Variants in GRTP1 observed in about 807,000 individuals in gnomAD.
The protein encoded by GRTP1 is growth hormone-regulated TBC protein 1.
A neutral mutation model predicts 38.1 loss-of-function variants in GRTP1; 56 were observed. That is an observed-to-expected ratio of 1.47 (90% CI 1.19 to 1.84). The LOEUF (loss-of-function observed/expected upper bound fraction) is 1.84, where lower values mean the gene tolerates loss of function less well. GRTP1 is among the 40% of genes most tolerant of loss of function. The pLI is 0.00. For synonymous variants in GRTP1, 217 were observed against 189.5 expected, an observed-to-expected ratio of 1.14 and a Z score of -1.19; for missense variants, 506 against 453.9, an observed-to-expected ratio of 1.11 and a Z score of -1.04.
rs2139457283 is a variant in GRTP1, at chr13:113,345,966, ACCCAG to A, written c.466-1012_466-1008del. On this transcript the variant is annotated intron_variant, in intron 4 of 7. Coordinates refer to ENST00000375431, the MANE Select transcript of GRTP1 (RefSeq NM_024719.4). Reference sequence around the variant, plus strand: ...GGAAGACCTCTGTGGCCAAAAGCAGACCCAGGAGGACTTTTGTGGCCGAGAGTGGA... The same window carrying A: ...GGAAGACCTCTGTGGCCAAAAGCAGAGAGGACTTTTGTGGCCGAGAGTGGA... Among the ~76,000 whole-genome samples the A allele has an allele frequency of 2.4e-4, 36 of 152,184 alleles. No homozygotes were observed. In the South Asian group the frequency reaches 7.4e-3, roughly 31 times the overall value.
At chr13:113,355,058 G>A (rs1413155265) in intron 3 of GRTP1, 2 of 368,894 alleles carry the variant, frequency 5.4e-6, no homozygotes, top group Non-Finnish European at 9.8e-6. Context: ...CCTGTCCCGC[G>A]AGTCTTCATG....
rs186109516 is a variant in GRTP1 at position 113,351,461 on chromosome 13, G to A, written c.341-488C>T. ...GAGACTCCTCAGAGATAAAGGACAC[G>A]GCTGAGAGCTGAGAGCTGAGAACTG... On this transcript the variant is annotated intron_variant, in intron 3 of 7. Coordinates refer to ENST00000375431, the MANE Select transcript of GRTP1 (RefSeq NM_024719.4). Among the ~76,000 whole-genome samples, 31 of 152,324 alleles carry A rather than the reference G, an allele frequency of 2.0e-4. 1 individual carries two copies. The highest frequency in any genetic ancestry group is 6.8e-3 in the Middle Eastern group (2 of 292).
intron 3 of GRTP1, among the ~76,000 whole-genome samples, chr13:113,352,179 G>C (rs533897092): frequency 1.6e-4 from 23 of 145,606 alleles, no homozygotes; most frequent in Admixed American, 5.7e-4. Flanking sequence ...TTTCAGACTA[G>C]AGTGACCAGC....
rs762140199 is a variant in GRTP1 at position 113,348,402 on chromosome 13, G to A, written c.465+2447C>T. Among the ~76,000 whole-genome samples, 3 of 152,190 alleles carry A rather than the reference G, an allele frequency of 2.0e-5. No individual in the cohort carries two copies. Among genetic ancestry groups the A allele is most frequent in the Non-Finnish European group, 4.4e-5 (3 of 68,040 alleles). On this transcript the variant is annotated intron_variant, in intron 4 of 7. Coordinates refer to ENST00000375431, the MANE Select transcript of GRTP1 (RefSeq NM_024719.4). This position sits in a 1 kb window ranked among gnomAD's most constrained non-coding sequence, Gnocchi z 4.8. ...GGAGGTTGAGGCTGCAGTGAGCCGAGATCACGCCACTGCACTCCAGCCTGG... is the reference window on the plus strand; with the variant it reads ...GGAGGTTGAGGCTGCAGTGAGCCGAAATCACGCCACTGCACTCCAGCCTGG...
chr13:113,330,079 G>A (rs1355409208), intron 5 of GRTP1, among the ~76,000 whole-genome samples: 3 of 151,318 alleles, frequency 2.0e-5, no homozygotes. Context: ...AAACCCGGGT[G>A]CGTGCATGGA....
intron 4 of GRTP1, among the ~76,000 whole-genome samples, chr13:113,346,145 CGGG>C (rs2043115115): frequency 5.7e-5 from 8 of 139,782 alleles, no homozygotes; most frequent in Non-Finnish European, 1.1e-4. Context: ...AGAGCAGACC[CGGG>C]AGGACCTCTG....
intron 3 of GRTP1, among the ~76,000 whole-genome samples, chr13:113,353,336 C>T (rs1645321352): frequency 6.6e-6 from 1 of 152,276 alleles, no homozygotes; most frequent in Non-Finnish European, 1.5e-5. Context: ...CCACCCATAA[C>T]AGCCGTGCGG....
At chr13:113,331,168 A>C (rs558824070) in intron 5 of GRTP1, among the ~76,000 whole-genome samples, 2 of 152,226 alleles carry the variant, frequency 1.3e-5, no homozygotes, top group East Asian at 3.9e-4. Context: ...GTGCATGGAA[A>C]CCGGTCGCAG....
chr13:113,340,504 C>T (rs1303317157), intron 5 of GRTP1, among the ~76,000 whole-genome samples: 21 of 146,178 alleles, frequency 1.4e-4, no homozygotes, highest in Non-Finnish European at 4.5e-5. Flanking sequence ...AATGGCCAGG[C>T]GCTGTAGTTC....
Position 113,325,774 on chromosome 13 carries a change from T to C in GRTP1, c.808A>G (p.Ile270Val). The C allele has an allele frequency of 6.2e-7, 1 of 1,614,158 alleles. No homozygotes were observed. Among genetic ancestry groups the C allele is most frequent in the African/African-American group, 1.3e-5 (1 of 75,062 alleles). ...AAAATCAACTCCTGGTGCTGCTTAA[T>C]TAAGGTCAGGGCCACCCGGAAGATA... ...KIIFRVALTL[I>V]KQHQELILEA... is the part of the protein sequence containing the mutation. Residue 270 changes from isoleucine to valine, a missense_variant, in exon 7 of 8, where the codon ATT becomes GTT. Ile to Val is a conservative substitution (Grantham distance 29, BLOSUM62 3). Coordinates refer to ENST00000375431, the MANE Select transcript of GRTP1 (RefSeq NM_024719.4).
intron 5 of GRTP1, among the ~76,000 whole-genome samples, chr13:113,333,707 G>A (rs1438986147): frequency 6.6e-6 from 1 of 151,356 alleles, no homozygotes; most frequent in Admixed American, 6.6e-5. Flanking sequence ...GTTTTGCCAT[G>A]TTGTCCAGGC....
rs370730953 is a variant in GRTP1 at position 113,347,321 on chromosome 13, A to C, written c.466-2362T>G. ...GCGGATCTGGGAGGACCTCTGTGGC[A>C]GAGAGCAGACCCGGGAGGACCTCTG... On this transcript the variant is annotated intron_variant, in intron 4 of 7. Coordinates refer to ENST00000375431, the MANE Select transcript of GRTP1 (RefSeq NM_024719.4). 6.5e-3 allele frequency among the ~76,000 whole-genome samples: 48 copies of C among 7,384 alleles called. 1 individual carries two copies. Among genetic ancestry groups the C allele is most frequent in the Non-Finnish European group, 9.8e-3 (31 of 3,150 alleles). The allele number at this position is 7,384 out of a possible 152,430, so 4.8% of individuals were successfully genotyped here. A position where few individuals can be genotyped will look rare whatever the true frequency, so the allele number is the denominator to read the frequency against.
At chr13:113,352,322 ATT>A (rs869240742) in intron 3 of GRTP1, among the ~76,000 whole-genome samples, 14 of 59,540 alleles carry the variant, frequency 2.4e-4, no homozygotes, top group East Asian at 1.2e-3. Context: ...TTTTATATAT[ATT>A]TTTATATATA....
intron 5 of GRTP1, among the ~76,000 whole-genome samples, chr13:113,327,200 G>A (rs1052066084): frequency 5.9e-5 from 9 of 151,504 alleles, no homozygotes; most frequent in Non-Finnish European, 1.2e-4. Flanking sequence ...TTTTTGAGAC[G>A]GAGTCTCGCT....
chr13:113,330,591 C>A (rs113933697), intron 5 of GRTP1, among the ~76,000 whole-genome samples: 212 of 27,590 alleles, frequency 7.7e-3, no homozygotes, highest in East Asian at 0.023. Context: ...TGCATGGAAA[C>A]CCAGGTGTGT....
intron 5 of GRTP1, among the ~76,000 whole-genome samples, chr13:113,331,066 A>G (rs1227449615): frequency 1.4e-5 from 2 of 146,364 alleles, no homozygotes; most frequent in Non-Finnish European, 3.0e-5. Flanking sequence ...GCGTGGATGG[A>G]AACCCAGGTG....
At position 113,342,233 on chromosome 13, in the gene GRTP1, T is replaced by C. The variant is rs2043035940; in HGVS notation, c.562+2630A>G. Among the ~76,000 whole-genome samples the C allele has an allele frequency of 6.6e-6, 1 of 152,186 alleles. No individual in the cohort carries two copies. Among genetic ancestry groups the C allele is most frequent in the African/African-American group, 2.4e-5 (1 of 41,450 alleles). On this transcript the variant is annotated intron_variant, in intron 5 of 7. Coordinates refer to ENST00000375431, the MANE Select transcript of GRTP1 (RefSeq NM_024719.4). This position sits in a 1 kb window ranked among gnomAD's most constrained non-coding sequence, Gnocchi z 4.5. ...ACAGGCGTGAGCCACGGCTCCTGGC[T>C]GTCACTTTTTATTCTATAAAAAGTA... is the stretch of plus-strand genomic sequence containing the variant.
At chr13:113,346,016 C>CAG (rs2043102692) in intron 4 of GRTP1, among the ~76,000 whole-genome samples, 4 of 91,186 alleles carry the variant, frequency 4.4e-5, no homozygotes, top group Non-Finnish European at 9.5e-5. Flanking sequence ...ACCTCTGCGG[C>CAG]TGAGCAGACC....
rs11444762 is a variant in GRTP1, at chr13:113,344,712, CA to C, written c.562+150del. 1.5e-4 allele frequency: 30 copies of C among 195,940 alleles called. No individual in the cohort carries two copies. The African/African-American group carries it at 1.6e-3, about 10-fold the overall frequency. The allele number at this position is 195,940 out of a possible 1,614,324, so 12.1% of individuals were successfully genotyped here. On this transcript the variant is annotated intron_variant, in intron 5 of 7. Coordinates refer to ENST00000375431, the MANE Select transcript of GRTP1 (RefSeq NM_024719.4). ...TGGGCATCAGAGCGAGACTCCGTCT[CA>C]AAAAAAAAAAAAAAAAAAAAAACGG...
Sources: gnomAD v4.1 joint callset for allele counts (sites outside exome capture counted in the v4.1 genomes callset) on GRCh38, gnomAD v4.1.1 for gene constraint, Gnocchi (gnomAD v3.1) non-coding constraint, MANE v1.5 for transcripts, NCBI Gene and HGNC (gene_info 2026-07-23, HGNC 2026-07-21) for gene names.